The following PRKD3 variants were observed in gnomAD, a reference collection of about 807,000 sequenced individuals.
PRKD3 encodes serine/threonine-protein kinase D3.
A neutral mutation model predicts 99.2 loss-of-function variants in PRKD3; 47 were observed. The ratio of observed to expected loss-of-function variants is 0.47; its 90% CI spans 0.38 to 0.60. PRKD3 has a LOEUF of 0.60. PRKD3 is among the 20% of genes least tolerant of loss of function. The pLI, the probability that PRKD3 is intolerant of heterozygous loss-of-function variation, is 0.00. For synonymous variants in PRKD3, 392 were observed against 355.4 expected (o/e 1.10, Z -1.16); for missense variants, 1,019 against 1,088.4 (o/e 0.94, Z 0.90).
At position 37,296,402 on chromosome 2, in the gene PRKD3, T is replaced by C. The variant is rs369910608; in HGVS notation, c.289-3131A>G. On this transcript the variant is annotated intron_variant, in intron 2 of 18. Coordinates refer to ENST00000234179, the MANE Select transcript of PRKD3 (RefSeq NM_005813.6). ...TATTACAAAACATTAAAAATAGACA[T>C]ATGTATATTAGAGGCTAGAAAGCTG... Among the ~76,000 whole-genome samples the C allele has an allele frequency of 3.3e-5, 5 of 152,144 alleles. No homozygotes were observed. In the South Asian group the frequency reaches 1.0e-3, roughly 32 times the overall value.
chr2:37,282,379 T>G (rs548039569), intron 7 of PRKD3, 163 bp downstream of exon 7: 2 of 581,044 alleles, frequency 3.4e-6, no homozygotes, highest in South Asian at 4.8e-5. Flanking sequence ...TACTAATAAA[T>G]GTATACTGTC....
At chr2:37,297,082 A>G (rs1670708317) in intron 2 of PRKD3, among the ~76,000 whole-genome samples, 1 of 152,090 alleles carries the variant, frequency 6.6e-6, no homozygotes, top group Non-Finnish European at 1.5e-5. Flanking sequence ...TGAATTCAAT[A>G]TACAAGGATT....
intron 14 of PRKD3, among the ~76,000 whole-genome samples, chr2:37,264,195 C>T (rs1668666325): frequency 6.6e-6 from 1 of 152,126 alleles, no homozygotes; most frequent in African/African-American, 2.4e-5. Flanking sequence ...TTCTGTGTAA[C>T]TGTATATAGA....
intron 2 of PRKD3, among the ~76,000 whole-genome samples, chr2:37,303,971 A>G (rs1671049671): frequency 6.6e-6 from 1 of 152,198 alleles, no homozygotes; most frequent in South Asian, 2.1e-4. Context: ...TGCATTTGAG[A>G]CATTGAATAC....
intron 14 of PRKD3, among the ~76,000 whole-genome samples, chr2:37,261,884 A>C (rs13424642): frequency 0.094 from 14,280 of 152,252 alleles, 768 homozygotes; most frequent in African/African-American, 0.14. Context: ...TCAGTAAAAA[A>C]CGTATTTTGA....
chr2:37,309,583 A>G lies in PRKD3; in HGVS notation c.288+6654T>C, dbSNP rs558712160. Among the ~76,000 whole-genome samples the G allele has an allele frequency of 3.3e-5, 5 of 152,224 alleles. No individual in the cohort carries two copies. In the South Asian group the frequency reaches 1.0e-3, roughly 32 times the overall value. The stretch of plus-strand genomic sequence containing the variant: ...CATATTTGGCCAAGCACGGTGGCCA[A>G]TCACACCTGTAATCCCAGCACTTTG... On this transcript the variant is annotated intron_variant, in intron 2 of 18. Transcript: ENST00000234179.
intron 2 of PRKD3, among the ~76,000 whole-genome samples, chr2:37,312,799 G>A (rs1479621902): frequency 2.6e-5 from 4 of 152,162 alleles, no homozygotes; most frequent in Non-Finnish European, 5.9e-5. Flanking sequence ...ACAAGGTTAT[G>A]TATTTATTGG....
intron 5 of PRKD3, among the ~76,000 whole-genome samples, chr2:37,288,086 T>C (rs1489723880): frequency 6.6e-6 from 1 of 152,178 alleles, no homozygotes; most frequent in Non-Finnish European, 1.5e-5. Context: ...TAATGAAAAA[T>C]GTAACACCTT....
chr2:37,254,106 A>G (rs981061275), intron 18 of PRKD3, 98 bp downstream of exon 18: 4 of 864,034 alleles, frequency 4.6e-6, no homozygotes, highest in African/African-American at 1.7e-5. Flanking sequence ...GAGCACTTTT[A>G]TTATTCTGCT....
rs1055462974 is a variant in PRKD3 at position 37,271,928 on chromosome 2, C to T, written c.1704+452G>A. On this transcript the variant is annotated intron_variant, in intron 12 of 18. Transcript: ENST00000234179. Reference sequence around the variant, plus strand: ...CATACACCAGCCAACTTAATTTATTCATAATTCCTTAAGAGTCCATTTCCT... The same window carrying T: ...CATACACCAGCCAACTTAATTTATTTATAATTCCTTAAGAGTCCATTTCCT... Among the ~76,000 whole-genome samples the T allele has an allele frequency of 2.6e-5, 4 of 152,302 alleles. No homozygotes were observed. The East Asian group carries it at 7.7e-4, about 29-fold the overall frequency.
intron 1 of PRKD3, among the ~76,000 whole-genome samples, chr2:37,319,537 G>A (rs1671788700): frequency 6.6e-6 from 1 of 152,080 alleles, no homozygotes; most frequent in Non-Finnish European, 1.5e-5. Context: ...ACAGAAATGG[G>A]GAAATGCTTA....
chr2:37,288,856 C>T (rs1290726771), intron 5 of PRKD3, among the ~76,000 whole-genome samples: 1 of 152,048 alleles, frequency 6.6e-6, no homozygotes, highest in Middle Eastern at 3.2e-3. Flanking sequence ...GAATTCAAGA[C>T]CAGCCTGTCC....
rs1049586241 is a variant in PRKD3 at position 37,252,835 on chromosome 2, ATATATT to A, written c.*336_*341del. 7 of 102,042 alleles carry A rather than the reference ATATATT, an allele frequency of 6.9e-5. No individual in the cohort carries two copies. Among genetic ancestry groups the A allele is most frequent in the African/African-American group, 1.6e-4 (5 of 31,268 alleles). 6.3% of individuals were successfully genotyped at this position (102,042 alleles called of 1,614,324 possible). ...TTTTTCATTAAAAAAACAAACAAAC[ATATATT>A]TATATTTATATATATATATATAAAG... On this transcript the variant is annotated 3_prime_UTR_variant, in exon 19 of 19. Coordinates refer to ENST00000234179, the MANE Select transcript of PRKD3 (RefSeq NM_005813.6).
intron 2 of PRKD3, among the ~76,000 whole-genome samples, chr2:37,300,094 C>T (rs997032068): frequency 6.6e-6 from 1 of 152,118 alleles, no homozygotes; most frequent in Admixed American, 6.5e-5. Flanking sequence ...GCAAAATTCA[C>T]AATAGCCACA....
intron 9 of PRKD3, among the ~76,000 whole-genome samples, chr2:37,276,830 T>A (rs182567365): frequency 5.0e-5 from 6 of 119,662 alleles, no homozygotes; most frequent in African/African-American, 1.0e-4. Context: ...ACATATATAT[T>A]CATATATATA....
Position 37,277,896 on chromosome 2 carries a change from C to A in PRKD3, c.1266G>T (p.Trp422Cys). ...RKSSTMVKEG[W>C]MVHYTSRDNL... The stretch of plus-strand genomic sequence containing the variant: ...TATCCCTGCTGGTGTAATGGACCAT[C>A]CACCCTTCCTTCACCATTGTGCTGC... The change falls in exon 9 of 19, where the codon TGG (tryptophan) becomes TGT (cysteine). Residue 422 changes from tryptophan to cysteine, a missense_variant. By Grantham distance (215) the Trp-to-Cys change is radical (BLOSUM62 -2). This residue lies in a region of PRKD3 where 710 missense variants were observed against 692.7 expected (regional missense o/e 1.02). Coordinates refer to ENST00000234179, the MANE Select transcript of PRKD3 (RefSeq NM_005813.6). The A allele has an allele frequency of 1.9e-6, 3 of 1,613,714 alleles. No homozygotes were observed. Among genetic ancestry groups the A allele is most frequent in the Non-Finnish European group, 2.5e-6 (3 of 1,179,748 alleles).
Position 37,277,849 on chromosome 2 carries a change from T to A in PRKD3, c.1296+17A>T. 2 of 1,607,884 alleles carry A rather than the reference T, an allele frequency of 1.2e-6. No individual in the cohort carries two copies. The highest frequency in any genetic ancestry group is 1.7e-6 in the Non-Finnish European group (2 of 1,177,754). On this transcript the variant is annotated intron_variant, in intron 9 of 18. Transcript: ENST00000234179. ...ACAAAGTCTTACTAGCATATTCAAA[T>A]GTATTTGATTACTGACCAGGTTATC...
chr2:37,262,594 GTA>G (rs1668548470), intron 14 of PRKD3, among the ~76,000 whole-genome samples: 1 of 152,186 alleles, frequency 6.6e-6, no homozygotes, highest in Non-Finnish European at 1.5e-5. Flanking sequence ...AATAAGCAGT[GTA>G]AGATTCAGAA....
chr2:37,294,434 A>G (rs999584924), intron 2 of PRKD3, among the ~76,000 whole-genome samples: 1 of 152,176 alleles, frequency 6.6e-6, no homozygotes, highest in Non-Finnish European at 1.5e-5. Flanking sequence ...AAAAAAAATT[A>G]AAAACAATGA....
Sources: allele counts gnomAD v4.1 joint callset (sites outside exome capture counted in the v4.1 genomes callset), GRCh38; gene constraint gnomAD v4.1.1; regional missense constraint gnomAD v4.1.1; transcripts MANE v1.5; gene names NCBI Gene and HGNC (gene_info 2026-07-23, HGNC 2026-07-21).